The following USP5 variants were observed in gnomAD, a reference collection of about 807,000 sequenced individuals.
The protein encoded by USP5 is ubiquitin carboxyl-terminal hydrolase 5.
Under a neutral mutation model 102.5 loss-of-function variants are expected in USP5, and 24 were observed. The observed-to-expected ratio is 0.23, with a 90% CI of 0.17 to 0.33. The LOEUF (loss-of-function observed/expected upper bound fraction) is 0.33, where lower values mean the gene tolerates loss of function less well. USP5 is among the 10% of genes least tolerant of loss of function. USP5 has a pLI of 1.00. For missense variants in USP5, 753 were observed against 1,122.1 expected, an observed-to-expected ratio of 0.67 and a Z score of 4.70; for synonymous variants, 460 against 434.8, an observed-to-expected ratio of 1.06 and a Z score of -0.72.
rs782383835 is a variant in USP5, at chr12:6,861,588, G to A, written c.1644G>A (p.Thr548=). Residue 548 remains threonine, a synonymous_variant, in exon 13 of 20, where the codon ACG becomes ACA. Transcript: ENST00000229268. This position sits in a 1 kb window ranked among gnomAD's most constrained non-coding sequence, Gnocchi z 4.9. ...AGCAGGTCGATGACTTCTGGAGCAC[G>A]GCCCTGCAGGCCAAGTCAGTAGCTG... ...APEQVDDFWS[T]ALQAKSVAVK... 6.3e-6 allele frequency: 10 copies of A among 1,580,052 alleles called. No homozygotes were observed. The highest frequency in any genetic ancestry group is 5.2e-5 in the Admixed American group (3 of 57,592).
In USP5 at chr12:6,858,702, C is replaced by T; in HGVS notation, c.1058+85C>T. On this transcript the variant is annotated intron_variant, in intron 8 of 19. Transcript: ENST00000229268. The surrounding 1 kb of genome is among the most constrained non-coding windows in gnomAD (Gnocchi z 4.2). ...CCTCCTTCAGCTTCCCTCAGCACCT[C>T]TGTGTTTGATTCTAGTCTTAGAGTA... 2 of 1,290,492 alleles carry T rather than the reference C, an allele frequency of 1.5e-6. No individual in the cohort carries two copies. The highest frequency in any genetic ancestry group is 1.1e-6 in the Non-Finnish European group (1 of 928,888). The allele number at this position is 1,290,492 out of a possible 1,614,324, so 79.9% of individuals were successfully genotyped here. A position where few individuals can be genotyped will look rare whatever the true frequency, so the allele number is the denominator to read the frequency against.
In USP5 at chr12:6,863,785, A is replaced by C; in HGVS notation, c.1955-45A>C. On this transcript the variant is annotated intron_variant, in intron 15 of 19. Transcript: ENST00000229268. The surrounding 1 kb of genome is among the most constrained non-coding windows in gnomAD (Gnocchi z 4.7). Reference sequence around the variant, plus strand: ...CCTGGGGGAGGGAGGAGGAGCAAACAGTGGCCCAATCAGTCGGTCCGTGTA... The same window carrying C: ...CCTGGGGGAGGGAGGAGGAGCAAACCGTGGCCCAATCAGTCGGTCCGTGTA... 1 of 1,519,880 alleles carries C rather than the reference A, an allele frequency of 6.6e-7. No homozygotes were observed. Among genetic ancestry groups the C allele is most frequent in the Non-Finnish European group, 8.8e-7 (1 of 1,130,790 alleles). The allele number at this position is 1,519,880 out of a possible 1,614,324, so 94.1% of individuals were successfully genotyped here. A position where few individuals can be genotyped will look rare whatever the true frequency, so the allele number is the denominator to read the frequency against.
In USP5 at chr12:6,865,150, C is replaced by T. The variant is rs374406508; in HGVS notation, c.2399-14C>T. 5 of 1,606,380 alleles carry T rather than the reference C, an allele frequency of 3.1e-6. No individual in the cohort carries two copies. The highest frequency in any genetic ancestry group is 1.7e-6 in the Non-Finnish European group (2 of 1,173,214). ...CTTCTGTTTCCTTCTCTGACCCCCT[C>T]TCTCCTTTCCTAGAGTATCAGCTCT... is the stretch of plus-strand genomic sequence containing the variant. On this transcript the variant is annotated splice_polypyrimidine_tract_variant and intron_variant, in intron 18 of 19. Coordinates refer to ENST00000229268, the MANE Select transcript of USP5 (RefSeq NM_001098536.2).
chr12:6,856,627 G>A lies in USP5; in HGVS notation c.585-80G>A. On this transcript the variant is annotated intron_variant, in intron 5 of 19. Coordinates refer to ENST00000229268, the MANE Select transcript of USP5 (RefSeq NM_001098536.2). This position sits in a 1 kb window ranked among gnomAD's most constrained non-coding sequence, Gnocchi z 5.6. ...AGAGAGAGACCTTGGATTGGCGGGG[G>A]GCCTGCAGAGCCCTCTCTCTCTGCC... 1.9e-6 allele frequency: 3 copies of A among 1,559,042 alleles called. No homozygotes were observed. The South Asian group carries it at 3.6e-5, about 19-fold the overall frequency.
In USP5 at chr12:6,855,397, A is replaced by G. The variant is rs781819637; in HGVS notation, c.112-4A>G. 7 of 1,613,976 alleles carry G rather than the reference A, an allele frequency of 4.3e-6. No homozygotes were observed. On this transcript the variant is annotated splice_polypyrimidine_tract_variant and splice_region_variant and intron_variant, in intron 1 of 19. Transcript: ENST00000229268. The surrounding 1 kb of genome is among the most constrained non-coding windows in gnomAD (Gnocchi z 4.6). ...TGTTTTCACCCTTACCTCTTGTCCCACAGGAGTCTGAGGGGGGCCTCTACA... is the reference window on the plus strand; with the variant it reads ...TGTTTTCACCCTTACCTCTTGTCCCGCAGGAGTCTGAGGGGGGCCTCTACA...
At position 6,858,047 on chromosome 12, in the gene USP5, A is replaced by C. The variant is rs1427230908; in HGVS notation, c.864+324A>C. On this transcript the variant is annotated intron_variant, in intron 7 of 19. Coordinates refer to ENST00000229268, the MANE Select transcript of USP5 (RefSeq NM_001098536.2). This position sits in a 1 kb window ranked among gnomAD's most constrained non-coding sequence, Gnocchi z 4.2. ...GGTGGGCACTGTGAAAGAGAGGCGGAGGGTACTACAGTAATTGACAGCAGG... is the reference window on the plus strand; with the variant it reads ...GGTGGGCACTGTGAAAGAGAGGCGGCGGGTACTACAGTAATTGACAGCAGG... 6.6e-6 allele frequency among the ~76,000 whole-genome samples: 1 copy of C among 152,140 alleles called. No homozygotes were observed. Among genetic ancestry groups the C allele is most frequent in the Non-Finnish European group, 1.5e-5 (1 of 68,016 alleles).
Position 6,855,747 on chromosome 12 carries a change from C to T in USP5, c.238-8C>T, listed in dbSNP as rs1555128033. ...ATTGCTGATCCAGCCCTTCCTGCTT[C>T]TTTACAGAAAGAGGAGGACCCTGCT... On this transcript the variant is annotated splice_region_variant and splice_polypyrimidine_tract_variant and intron_variant, in intron 2 of 19. Transcript: ENST00000229268. The surrounding 1 kb of genome is among the most constrained non-coding windows in gnomAD (Gnocchi z 4.6). 1.2e-6 allele frequency: 2 copies of T among 1,614,192 alleles called. No individual in the cohort carries two copies. The highest frequency in any genetic ancestry group is 1.1e-5 in the South Asian group (1 of 91,076).
In USP5 at chr12:6,866,335, C is replaced by G. The variant is rs1428421090; in HGVS notation, c.*258C>G. ...GGAGACTTTGTTGCTTCCCCTGCCC[C>G]CGGAATCCACAGTGCTCTGCTTCTC... On this transcript the variant is annotated 3_prime_UTR_variant, in exon 20 of 20. Transcript: ENST00000229268. The surrounding 1 kb of genome is among the most constrained non-coding windows in gnomAD (Gnocchi z 4.7). The G allele has an allele frequency of 3.5e-5, 17 of 479,910 alleles. No individual in the cohort carries two copies. Among genetic ancestry groups the G allele is most frequent in the Non-Finnish European group, 6.1e-5 (16 of 262,404 alleles). The allele number at this position is 479,910 out of a possible 1,614,324, so 29.7% of individuals were successfully genotyped here. A position where few individuals can be genotyped will look rare whatever the true frequency, so the allele number is the denominator to read the frequency against.
chr12:6,852,349 C>A, intron 1 of USP5, 59 bp downstream of exon 1: 6 of 1,516,754 alleles, frequency 4.0e-6, no homozygotes, highest in Non-Finnish European at 5.4e-6. Flanking sequence ...CCTGGTCATT[C>A]CGCTGGGGCC....
chr12:6,865,496 C>G (rs782557423), intron 19 of USP5, among the ~76,000 whole-genome samples: 1 of 152,248 alleles, frequency 6.6e-6, no homozygotes, highest in East Asian at 1.9e-4. Context: ...CTCCTGAGCT[C>G]AAGTGATCCT....
At position 6,860,464 on chromosome 12, in the gene USP5, C is replaced by T. The variant is rs1591608435; in HGVS notation, c.1317C>T (p.Phe439=). ...STNRQQDAQE[F]FLHLINMVER... The stretch of plus-strand genomic sequence containing the variant: ...ACCGGCAGCAGGATGCCCAGGAGTT[C>T]TTCCTTCACCTTATCAACATGGTGG... Residue 439 remains phenylalanine, a synonymous_variant, in exon 11 of 20, where the codon TTC becomes TTT. Coordinates refer to ENST00000229268, the MANE Select transcript of USP5 (RefSeq NM_001098536.2). This position sits in a 1 kb window ranked among gnomAD's most constrained non-coding sequence, Gnocchi z 5.5. 1 of 1,614,096 alleles carries T rather than the reference C, an allele frequency of 6.2e-7. No homozygotes were observed. The highest frequency in any genetic ancestry group is 8.5e-7 in the Non-Finnish European group (1 of 1,180,030).
Position 6,856,795 on chromosome 12 carries a change from G to T in USP5, c.673G>T (p.Asp225Tyr). ...GSILCGRRYF[D>Y]GSGGNNHAVE... The stretch of plus-strand genomic sequence containing the variant: ...CATCCTCTGTGGGCGACGCTACTTC[G>T]ATGGCAGTGGGGGCAACAACCACGC... The change falls in exon 6 of 20, where the codon GAT becomes TAT. Residue 225 changes from aspartate (D) to tyrosine (Y), a missense_variant. By Grantham distance (160) the Asp-to-Tyr change is radical. Transcript: ENST00000229268. This position sits in a 1 kb window ranked among gnomAD's most constrained non-coding sequence, Gnocchi z 5.6. The T allele has an allele frequency of 6.2e-7, 1 of 1,614,118 alleles. No individual in the cohort carries two copies.
chr12:6,855,448 T>C lies in USP5; in HGVS notation c.159T>C (p.Phe53=), dbSNP rs1555127907. The change falls in exon 2 of 20, where the codon TTT becomes TTC. Residue 53 remains phenylalanine, a synonymous_variant. Coordinates refer to ENST00000229268, the MANE Select transcript of USP5 (RefSeq NM_001098536.2). The surrounding 1 kb of genome is among the most constrained non-coding windows in gnomAD (Gnocchi z 4.6). ...LYICMNTFLG[F]GKQYVERHFN... ...TCTGTATGAACACGTTTCTGGGCTT[T>C]GGGAAACAGTATGTGGAGAGACATT... 1 of 1,614,174 alleles carries C rather than the reference T, an allele frequency of 6.2e-7. No homozygotes were observed. Among genetic ancestry groups the C allele is most frequent in the Admixed American group, 1.7e-5 (1 of 60,028 alleles).
At chr12:6,859,221 A>G (rs60975689) in intron 8 of USP5, among the ~76,000 whole-genome samples, 4,047 of 152,278 alleles carry the variant, frequency 0.027, 188 homozygotes, top group African/African-American at 0.091. Context: ...CGTGAACTGC[A>G]CTTATCCTAA....
rs1944179236 is a variant in USP5 at position 6,858,343 on chromosome 12, A to G, written c.865-81A>G. On this transcript the variant is annotated intron_variant, in intron 7 of 19. Coordinates refer to ENST00000229268, the MANE Select transcript of USP5 (RefSeq NM_001098536.2). This position sits in a 1 kb window ranked among gnomAD's most constrained non-coding sequence, Gnocchi z 4.2. Reference sequence around the variant, plus strand: ...AAATTCTAGGCCACAGTTGAGTATCATCCTAGACTCAGTGAGAGATCGAGG... The same window carrying G: ...AAATTCTAGGCCACAGTTGAGTATCGTCCTAGACTCAGTGAGAGATCGAGG... 1 of 1,450,598 alleles carries G rather than the reference A, an allele frequency of 6.9e-7. No homozygotes were observed. The highest frequency in any genetic ancestry group is 9.5e-7 in the Non-Finnish European group (1 of 1,053,514). 89.9% of individuals were successfully genotyped at this position (1,450,598 alleles called of 1,614,324 possible). A position where few individuals can be genotyped will look rare whatever the true frequency, so the allele number is the denominator to read the frequency against.
intron 19 of USP5, among the ~76,000 whole-genome samples, chr12:6,865,720 C>T (rs1944425736): frequency 6.6e-6 from 1 of 152,146 alleles, no homozygotes; most frequent in African/African-American, 2.4e-5. Flanking sequence ...CTGGCCCTTG[C>T]CAGAAAAAGT....
At position 6,861,953 on chromosome 12, in the gene USP5, C is replaced by T. The variant is rs1159952001; in HGVS notation, c.1673+336C>T. On this transcript the variant is annotated intron_variant, in intron 13 of 19. Coordinates refer to ENST00000229268, the MANE Select transcript of USP5 (RefSeq NM_001098536.2). This position sits in a 1 kb window ranked among gnomAD's most constrained non-coding sequence, Gnocchi z 4.9. ...AGAATTTGGATTTCCAGCAAATAGCCACACTTTGAGCCTAGCCATTGGCAC... is the reference window on the plus strand; with the variant it reads ...AGAATTTGGATTTCCAGCAAATAGCTACACTTTGAGCCTAGCCATTGGCAC... 6.6e-6 allele frequency among the ~76,000 whole-genome samples: 1 copy of T among 152,056 alleles called. No homozygotes were observed. The highest frequency in any genetic ancestry group is 1.5e-5 in the Non-Finnish European group (1 of 67,988).
Position 6,855,415 on chromosome 12 carries a change from C to A in USP5, c.126C>A (p.Gly42=). The A allele has an allele frequency of 6.2e-7, 1 of 1,614,148 alleles. No homozygotes were observed. Among genetic ancestry groups the A allele is most frequent in the Non-Finnish European group, 8.5e-7 (1 of 1,180,010 alleles). Residue 42 remains glycine (G), a synonymous_variant, in exon 2 of 20, where the codon GGC becomes GGA. Coordinates refer to ENST00000229268, the MANE Select transcript of USP5 (RefSeq NM_001098536.2). The surrounding 1 kb of genome is among the most constrained non-coding windows in gnomAD (Gnocchi z 4.6). ...TTGTCCCACAGGAGTCTGAGGGGGG[C>A]CTCTACATCTGTATGAACACGTTTC... ...FSFDTPESEG[G]LYICMNTFLG... is the part of the protein sequence containing the mutation.
chr12:6,857,220 C>T (rs968173466), intron 6 of USP5, among the ~76,000 whole-genome samples: 27 of 152,082 alleles, frequency 1.8e-4, no homozygotes, highest in Admixed American at 2.0e-4. Context: ...TTTGAGCACC[C>T]GGGAGGTTGA....
Sources: gnomAD v4.1 joint callset for allele counts (sites outside exome capture counted in the v4.1 genomes callset) on GRCh38, gnomAD v4.1.1 for gene constraint, Gnocchi (gnomAD v3.1) non-coding constraint, MANE v1.5 for transcripts, NCBI Gene and HGNC (gene_info 2026-07-23, HGNC 2026-07-21) for gene names.